Variants in YLPM1 observed in about 807,000 individuals in gnomAD.
YLPM1 encodes YLP motif containing 1.
Under a neutral mutation model 230.0 loss-of-function variants are expected in YLPM1, and 99 were observed. The ratio of observed to expected loss-of-function variants is 0.43; its 90% CI spans 0.37 to 0.51. YLPM1 has a LOEUF of 0.51. YLPM1 is among the 20% of genes least tolerant of loss of function. YLPM1 has a pLI of 0.00. For synonymous variants in YLPM1, 984 were observed against 942.5 expected, an observed-to-expected ratio of 1.04 and a Z score of -0.81; for missense variants, 2,592 against 2,707.7, an observed-to-expected ratio of 0.96 and a Z score of 0.95.
intron 1 of YLPM1, among the ~76,000 whole-genome samples, chr14:74,769,647 A>G (rs2090954388): frequency 6.8e-6 from 1 of 147,390 alleles, no homozygotes; most frequent in South Asian, 2.2e-4. Context: ...CTGGTCTTGA[A>G]CTCCTGACCT....
intron 4 of YLPM1, among the ~76,000 whole-genome samples, chr14:74,796,285 C>T (rs943879424): frequency 6.6e-6 from 1 of 152,220 alleles, no homozygotes. Flanking sequence ...GCTCTCTTGA[C>T]TCTGTTTCCC....
At chr14:74,806,444 G>C (rs554417742) in intron 6 of YLPM1, among the ~76,000 whole-genome samples, 2 of 152,112 alleles carry the variant, frequency 1.3e-5, no homozygotes, top group African/African-American at 4.8e-5. Flanking sequence ...AAATTAGCCA[G>C]GCACGCGCCA....
intron 6 of YLPM1, among the ~76,000 whole-genome samples, chr14:74,803,493 A>T (rs1027303395): frequency 1.3e-5 from 2 of 152,124 alleles, no homozygotes; most frequent in Non-Finnish European, 1.5e-5. Context: ...CTGGTCTAAT[A>T]CTTAACAGTA....
At chr14:74,815,450 T>G (rs1358547288) in intron 11 of YLPM1, among the ~76,000 whole-genome samples, 1 of 151,688 alleles carries the variant, frequency 6.6e-6, no homozygotes, top group Non-Finnish European at 1.5e-5. Context: ...TAATCCCAGC[T>G]GCTTGGGAGG....
rs2091636821 is a variant in YLPM1, at chr14:74,835,513, G to T, written c.*36+66G>T. 4 of 1,431,094 alleles carry T rather than the reference G, an allele frequency of 2.8e-6. No individual in the cohort carries two copies. The Admixed American group carries it at 9.0e-5, about 32-fold the overall frequency. 88.6% of individuals were successfully genotyped at this position (1,431,094 alleles called of 1,614,324 possible). On this transcript the variant is annotated intron_variant, in intron 20 of 20. Coordinates refer to ENST00000325680, the MANE Select transcript of YLPM1 (RefSeq NM_019589.3). ...GCTTCAAAGGGTTTGAGATAAAGAA[G>T]ACAGCATATTTTGCTAAAAATGCTC... is the stretch of plus-strand genomic sequence containing the variant.
In YLPM1 at chr14:74,816,567, T is replaced by C. The variant is rs2091479752; in HGVS notation, c.5566-4T>C. On this transcript the variant is annotated splice_region_variant and splice_polypyrimidine_tract_variant and intron_variant, in intron 12 of 20. Coordinates refer to ENST00000325680, the MANE Select transcript of YLPM1 (RefSeq NM_019589.3). ...TTTAACCTTCTTGACTGTATGATTC[T>C]TAGGATAAGGAGGTAGAATTTGGAG... The C allele has an allele frequency of 6.2e-7, 1 of 1,610,768 alleles. No individual in the cohort carries two copies.
At chr14:74,796,218 C>T (rs376234803) in intron 4 of YLPM1, among the ~76,000 whole-genome samples, 5 of 152,194 alleles carry the variant, frequency 3.3e-5, no homozygotes, top group African/African-American at 1.2e-4. Context: ...GTGATCCTCG[C>T]TTACTTCTTT....
At chr14:74,789,622 T>TC (rs899767961) in intron 4 of YLPM1, among the ~76,000 whole-genome samples, 2 of 150,652 alleles carry the variant, frequency 1.3e-5, no homozygotes, top group East Asian at 1.9e-4. Context: ...TTTTTTTTTT[T>TC]CACATTTAAA....
At position 74,798,923 on chromosome 14, in the gene YLPM1, G is replaced by C; in HGVS notation, c.3626G>C (p.Arg1209Thr). 6.2e-7 allele frequency: 1 copy of C among 1,613,920 alleles called. No individual in the cohort carries two copies. Among genetic ancestry groups the C allele is most frequent in the South Asian group, 1.1e-5 (1 of 91,074 alleles). ...CATGAAGAGTTTCCATTAGATGGTA[G>C]AAATGCTCCAATGGAACGAGAAAGA... ...RGHEEFPLDG[R>T]NAPMERERLD... Residue 1209 changes from arginine (R) to threonine (T), a missense_variant, in exon 5 of 21, where the codon AGA becomes ACA. Arg to Thr is a moderately conservative substitution (Grantham distance 71). This residue lies in a region of YLPM1 where 1,862 missense variants were observed against 1,819.8 expected (regional missense o/e 1.02). Coordinates refer to ENST00000325680, the MANE Select transcript of YLPM1 (RefSeq NM_019589.3).
rs2090868063 is a variant in YLPM1, at chr14:74,763,356, G to A, written c.-134G>A. The A allele has an allele frequency of 2.6e-6, 3 of 1,148,420 alleles. No individual in the cohort carries two copies. The highest frequency in any genetic ancestry group is 3.4e-6 in the Non-Finnish European group (3 of 883,800). 71.1% of individuals were successfully genotyped at this position (1,148,420 alleles called of 1,614,324 possible). A position where few individuals can be genotyped will look rare whatever the true frequency, so the allele number is the denominator to read the frequency against. On this transcript the variant is annotated 5_prime_UTR_variant, in exon 1 of 21. Coordinates refer to ENST00000325680, the MANE Select transcript of YLPM1 (RefSeq NM_019589.3). ...CCCAGCTCGGGAGCGCCGGCGCACT[G>A]GCGCGCTCCGTTTACACGCTCCGGG...
At chr14:74,816,168 T>C in intron 11 of YLPM1, 35 bp from the exon 12 acceptor site, 1 of 1,486,448 alleles carries the variant, frequency 6.7e-7, no homozygotes, top group East Asian at 2.4e-5. Context: ...TTTCTCTCAG[T>C]GATTTTTTTT....
chr14:74,781,816 C>A lies in YLPM1; in HGVS notation c.1773C>A (p.Leu591=). 6.2e-7 allele frequency: 1 copy of A among 1,611,080 alleles called. No homozygotes were observed. The highest frequency in any genetic ancestry group is 8.5e-7 in the Non-Finnish European group (1 of 1,178,700). Residue 591 remains leucine (L), a synonymous_variant, in exon 4 of 21, where the codon CTC becomes CTA. Coordinates refer to ENST00000325680, the MANE Select transcript of YLPM1 (RefSeq NM_019589.3). ...CTTCTGCAGGGCCACCACCAGTTCT[C>A]CCCCCACCTTCCCTGTCTTCTGCAG... The part of the protein sequence containing the change: ...SLSSAGPPPV[L]PPPSLSSAGP...
Position 74,798,603 on chromosome 14 carries a change from C to T in YLPM1, c.3306C>T (p.Asp1102=), listed in dbSNP as rs750508669. ...KVPGGLQGSQ[D]RGAAGSRERG... The stretch of plus-strand genomic sequence containing the variant: ...CAGGTGGTCTTCAAGGGAGCCAGGA[C>T]AGGGGTGCAGCTGGCAGCCGAGAAA... Residue 1102 remains aspartate (D), a synonymous_variant, in exon 5 of 21, where the codon GAC becomes GAT. Coordinates refer to ENST00000325680, the MANE Select transcript of YLPM1 (RefSeq NM_019589.3). The T allele has an allele frequency of 6.2e-7, 1 of 1,612,482 alleles. No individual in the cohort carries two copies. Among genetic ancestry groups the T allele is most frequent in the Non-Finnish European group, 8.5e-7 (1 of 1,179,076 alleles).
At chr14:74,825,015 A>C in intron 18 of YLPM1, among the ~76,000 whole-genome samples, 1 of 152,192 alleles carries the variant, frequency 6.6e-6, no homozygotes. Flanking sequence ...AAAGAGAACC[A>C]TTTAACATGT....
At chr14:74,793,166 T>G (rs1187219979) in intron 4 of YLPM1, among the ~76,000 whole-genome samples, 2 of 152,220 alleles carry the variant, frequency 1.3e-5, no homozygotes, top group Non-Finnish European at 2.9e-5. Context: ...AGTTTTATTA[T>G]TAATTGTACT....
chr14:74,781,439 C>A lies in YLPM1; in HGVS notation c.1396C>A (p.Leu466Ile). Reference protein sequence around the residue: ...EREFQLWEEQLHSYPHKDQLQ... With the variant: ...EREFQLWEEQIHSYPHKDQLQ... ...AGAGTTTCAGCTATGGGAGGAACAACTCCATTCCTATCCTCATAAAGATCA... is the reference window on the plus strand; with the variant it reads ...AGAGTTTCAGCTATGGGAGGAACAAATCCATTCCTATCCTCATAAAGATCA... The change falls in exon 4 of 21, where the codon CTC becomes ATC. Residue 466 changes from leucine (L) to isoleucine (I), a missense_variant. By Grantham distance (5) the Leu-to-Ile change is conservative (BLOSUM62 2). Transcript: ENST00000325680. 1 of 1,611,032 alleles carries A rather than the reference C, an allele frequency of 6.2e-7. No individual in the cohort carries two copies. Among genetic ancestry groups the A allele is most frequent in the Non-Finnish European group, 8.5e-7 (1 of 1,178,446 alleles).
chr14:74,808,152 A>G (rs1210053816), intron 6 of YLPM1, among the ~76,000 whole-genome samples: 1 of 152,194 alleles, frequency 6.6e-6, no homozygotes, highest in Non-Finnish European at 1.5e-5. Flanking sequence ...ACAGTTAGTT[A>G]ATCCTCATTC....
intron 11 of YLPM1, among the ~76,000 whole-genome samples, chr14:74,813,452 C>A (rs982014471): frequency 2.7e-5 from 4 of 150,074 alleles, no homozygotes; most frequent in Non-Finnish European, 5.9e-5. Flanking sequence ...CCCTTTATTT[C>A]TGACATTTCT....
At chr14:74,806,034 C>T (rs972276034) in intron 6 of YLPM1, among the ~76,000 whole-genome samples, 3 of 150,992 alleles carry the variant, frequency 2.0e-5, no homozygotes, top group Non-Finnish European at 4.4e-5. Flanking sequence ...TAAATGATTC[C>T]TGTCACATAG....
Sources: allele counts gnomAD v4.1 joint callset (sites outside exome capture counted in the v4.1 genomes callset), GRCh38; gene constraint gnomAD v4.1.1; regional missense constraint gnomAD v4.1.1; transcripts MANE v1.5; gene names NCBI Gene and HGNC (gene_info 2026-07-23, HGNC 2026-07-21).